The following IL17RA variants were observed in gnomAD, a reference collection of about 807,000 sequenced individuals.
IL17RA encodes the protein interleukin-17 receptor A.
A neutral mutation model predicts 50.4 loss-of-function variants in IL17RA; 34 were observed. The observed-to-expected ratio is 0.67, with a 90% CI of 0.51 to 0.90. The LOEUF is 0.90. Ranked by LOEUF, IL17RA falls within the 40% of genes least tolerant of loss-of-function variation. IL17RA has a pLI of 0.00. For missense variants in IL17RA, 1,276 were observed against 1,169.8 expected (o/e 1.09, Z -1.32); for synonymous variants, 585 against 510.4 (o/e 1.15, Z -1.97).
intron 1 of IL17RA, chr22:17,093,971 C>T (rs4632460): frequency 4.3e-5 from 3 of 69,644 alleles, no homozygotes; most frequent in South Asian, 3.8e-4. Flanking sequence ...TTTATTTTAT[C>T]TTACTTTATT....
At chr22:17,092,544 G>A (rs2061351631) in intron 1 of IL17RA, among the ~76,000 whole-genome samples, 1 of 152,096 alleles carries the variant, frequency 6.6e-6, no homozygotes, top group African/African-American at 2.4e-5. Context: ...CCCAGCTGGT[G>A]TCTGCTGCCG....
chr22:17,088,823 T>C (rs2061337827), intron 1 of IL17RA, among the ~76,000 whole-genome samples: 1 of 147,764 alleles, frequency 6.8e-6, no homozygotes, highest in Admixed American at 6.8e-5. Flanking sequence ...TGAGACAAGG[T>C]CTCACTCTGT....
In IL17RA at chr22:17,109,079, G is replaced by C; in HGVS notation, c.1860G>C (p.Arg620=). The C allele has an allele frequency of 6.3e-7, 1 of 1,576,772 alleles. No homozygotes were observed. The highest frequency in any genetic ancestry group is 8.5e-7 in the Non-Finnish European group (1 of 1,170,072). ...CTCCGGGAACCGGCATCGTGAAGCG[G>C]GCGCCCCTGGTGCGCGAGCCTGGCT... ...LLPPGTGIVK[R]APLVREPGSQ... Residue 620 remains arginine, a synonymous_variant, in exon 13 of 13, where the codon CGG becomes CGC. Coordinates refer to ENST00000319363, the MANE Select transcript of IL17RA (RefSeq NM_014339.7).
intron 1 of IL17RA, among the ~76,000 whole-genome samples, chr22:17,094,718 T>TATATATATA (rs1228649948): frequency 1.9e-4 from 22 of 116,250 alleles, no homozygotes; most frequent in Middle Eastern, 4.4e-3. Context: ...TATATATATA[T>TATATATATA]TCAGGGAGAT....
Position 17,085,129 on chromosome 22 carries a change from G to C in IL17RA, c.38G>C (p.Gly13Ala). 6.8e-7 allele frequency: 1 copy of C among 1,463,824 alleles called. No individual in the cohort carries two copies. The highest frequency in any genetic ancestry group is 9.0e-7 in the Non-Finnish European group (1 of 1,109,804). The allele number at this position is 1,463,824 out of a possible 1,614,324, so 90.7% of individuals were successfully genotyped here. Residue 13 changes from glycine (G) to alanine (A), a missense_variant, in exon 1 of 13, where the codon GGG (glycine) becomes GCG (alanine). Gly to Ala is a moderately conservative substitution (Grantham distance 60). Transcript: ENST00000319363. Reference sequence around the variant, plus strand: ...CGCAGCCCGCCGTCCGCTGTCCCGGGGCCCCTGCTGGGGCTGCTCCTGCTG... The same window carrying C: ...CGCAGCCCGCCGTCCGCTGTCCCGGCGCCCCTGCTGGGGCTGCTCCTGCTG... ...AARSPPSAVP[G>A]PLLGLLLLLL...
chr22:17,094,140 C>T (rs1247908225), intron 1 of IL17RA, among the ~76,000 whole-genome samples: 1 of 152,064 alleles, frequency 6.6e-6, no homozygotes, highest in Admixed American at 6.6e-5. Flanking sequence ...CATGCCACCA[C>T]ACCCAGCTAA....
chr22:17,090,778 C>T (rs1020544901), intron 1 of IL17RA, among the ~76,000 whole-genome samples: 1 of 152,176 alleles, frequency 6.6e-6, no homozygotes, highest in South Asian at 2.1e-4. Flanking sequence ...GTAATCTTCA[C>T]TGCTGAGGCA....
At chr22:17,086,610 C>A (rs557374433) in intron 1 of IL17RA, among the ~76,000 whole-genome samples, 1 of 152,236 alleles carries the variant, frequency 6.6e-6, no homozygotes, top group South Asian at 2.1e-4. Flanking sequence ...ACCCTAATAT[C>A]CAGAGACCTA....
At chr22:17,102,095 G>C (rs1180991881) in intron 6 of IL17RA, 44 bp from the exon 7 acceptor site, 9 of 1,613,976 alleles carry the variant, frequency 5.6e-6, no homozygotes, top group African/African-American at 1.3e-5. Flanking sequence ...ATGCACATGT[G>C]CGTGCCCCTC....
Position 17,108,908 on chromosome 22 carries a change from C to CGGCAGGCAGCTCCGCGCCGCCCTGGA in IL17RA, c.1690_1715dup (p.Asp572GlufsTer56), listed in dbSNP as rs1568923730. 1 of 1,611,356 alleles carries CGGCAGGCAGCTCCGCGCCGCCCTGGA rather than the reference C, an allele frequency of 6.2e-7. No individual in the cohort carries two copies. Among genetic ancestry groups the CGGCAGGCAGCTCCGCGCCGCCCTGGA allele is most frequent in the African/African-American group, 1.3e-5 (1 of 74,920 alleles). On this transcript the variant is annotated frameshift_variant, in exon 13 of 13. Transcript: ENST00000319363. LOFTEE classifies it low-confidence loss of function (END_TRUNC). ...GGGACAACTACCTGCGGAGCCCGGG[C>CGGCAGGCAGCTCCGCGCCGCCCTGGA]GGCAGGCAGCTCCGCGCCGCCCTGG... is the stretch of plus-strand genomic sequence containing the variant.
At chr22:17,107,905 G>A in intron 12 of IL17RA, 137 bp downstream of exon 12, 2 of 772,090 alleles carry the variant, frequency 2.6e-6, no homozygotes, top group East Asian at 2.6e-5. Context: ...CCCCCTTCCA[G>A]TACCCCACTC....
chr22:17,109,981 C>T lies in IL17RA; in HGVS notation c.*161C>T. ...TTTTAATCCCAGGCATCCCTCCTAA[C>T]TTTTCTTTGTGCAGCGGTCTGGTTA... is the stretch of plus-strand genomic sequence containing the variant. On this transcript the variant is annotated 3_prime_UTR_variant, in exon 13 of 13. Transcript: ENST00000319363. 2 of 760,568 alleles carry T rather than the reference C, an allele frequency of 2.6e-6. No homozygotes were observed. The highest frequency in any genetic ancestry group is 1.7e-5 in the African/African-American group (1 of 57,158). The allele number at this position is 760,568 out of a possible 1,614,324, so 47.1% of individuals were successfully genotyped here.
chr22:17,111,655 C>G lies in IL17RA; in HGVS notation c.*1835C>G, dbSNP rs1470128263. ...TTCATTCCTATGCCTGAGTCCTTAA[C>G]TATATTTCCAACCTCCAGTGAGGAG... On this transcript the variant is annotated 3_prime_UTR_variant, in exon 13 of 13. Coordinates refer to ENST00000319363, the MANE Select transcript of IL17RA (RefSeq NM_014339.7). The G allele has an allele frequency of 6.6e-6, 1 of 152,136 alleles. No homozygotes were observed. Among genetic ancestry groups the G allele is most frequent in the Non-Finnish European group, 1.5e-5 (1 of 68,028 alleles). 9.4% of individuals were successfully genotyped at this position (152,136 alleles called of 1,614,324 possible).
chr22:17,099,923 T>C (rs9606615), intron 4 of IL17RA, among the ~76,000 whole-genome samples: 61,487 of 152,036 alleles, frequency 0.4, 12,832 homozygotes, highest in Non-Finnish European at 0.46. Context: ...CTCAAGAGGT[T>C]CCTGGCTTTT....
chr22:17,091,605 G>A (rs1170227594), intron 1 of IL17RA, among the ~76,000 whole-genome samples: 1 of 152,022 alleles, frequency 6.6e-6, no homozygotes, highest in Non-Finnish European at 1.5e-5. Flanking sequence ...GGGAACCTGG[G>A]AGGCGGGGCT....
intron 4 of IL17RA, among the ~76,000 whole-genome samples, chr22:17,099,786 T>G (rs1232710066): frequency 6.6e-6 from 1 of 152,150 alleles, no homozygotes; most frequent in Non-Finnish European, 1.5e-5. Flanking sequence ...AGTCGATGTC[T>G]GTAATCTCTA....
chr22:17,111,674 TGAG>T lies in IL17RA; in HGVS notation c.*1861_*1863del, dbSNP rs1487096261. 8.6e-5 allele frequency: 13 copies of T among 151,824 alleles called. No homozygotes were observed. The highest frequency in any genetic ancestry group is 2.1e-4 in the South Asian group (1 of 4,814). The allele number at this position is 151,824 out of a possible 1,614,324, so 9.4% of individuals were successfully genotyped here. A position where few individuals can be genotyped will look rare whatever the true frequency, so the allele number is the denominator to read the frequency against. On this transcript the variant is annotated 3_prime_UTR_variant, in exon 13 of 13. Transcript: ENST00000319363. ...CCTTAACTATATTTCCAACCTCCAG[TGAG>T]GAGGAGAAGATTCGGAAATGTGACA...
chr22:17,104,595 G>C, intron 8 of IL17RA, 131 bp from the exon 9 acceptor site: 1 of 808,570 alleles, frequency 1.2e-6, no homozygotes, highest in South Asian at 1.5e-5. Flanking sequence ...CCTTGCTGGA[G>C]GGAGATGATG....
intron 1 of IL17RA, among the ~76,000 whole-genome samples, chr22:17,093,029 T>C (rs139355983): frequency 6.6e-6 from 1 of 152,198 alleles, no homozygotes; most frequent in Non-Finnish European, 1.5e-5. Context: ...TTCGGGGCTA[T>C]AATAATTTTA....
Sources: gnomAD v4.1 joint callset for allele counts (sites outside exome capture counted in the v4.1 genomes callset) on GRCh38, gnomAD v4.1.1 for gene constraint, MANE v1.5 for transcripts, NCBI Gene and HGNC (gene_info 2026-07-23, HGNC 2026-07-21) for gene names.